The following DNAAF10 variants were observed in gnomAD, a reference collection of about 807,000 sequenced individuals.
DNAAF10 encodes the protein dynein axonemal assembly factor 10, also known as WD repeat domain 92.
A neutral mutation model predicts 43.7 loss-of-function variants in DNAAF10; 28 were observed. That is an observed-to-expected ratio of 0.64 (90% confidence interval 0.48 to 0.88). The LOEUF (loss-of-function observed/expected upper bound fraction) is 0.88. Ranked by LOEUF, DNAAF10 falls within the 40% of genes least tolerant of loss-of-function variation. The pLI, the probability that DNAAF10 is intolerant of heterozygous loss-of-function variation, is 0.00. For missense variants in DNAAF10, 403 were observed against 439.1 expected, an observed-to-expected ratio of 0.92 and a Z score of 0.73; for synonymous variants, 156 against 157.3, an observed-to-expected ratio of 0.99 and a Z score of 0.06.
intron 1 of DNAAF10, among the ~76,000 whole-genome samples, chr2:68,153,426 A>T (rs1673504651): frequency 6.6e-6 from 1 of 151,458 alleles, no homozygotes; most frequent in Admixed American, 6.6e-5. Flanking sequence ...TGATACATCA[A>T]GTCTGTTTCC....
Position 68,131,121 on chromosome 2 carries a change from T to C in DNAAF10, c.*117A>G. ...TTTTAGTAGAGACGGGGTTTCACCA[T>C]GTTAGCCAGGATGGTCTCGATCTCC... On this transcript the variant is annotated 3_prime_UTR_variant, in exon 8 of 8. Transcript: ENST00000295121. 5.0e-6 allele frequency: 5 copies of C among 1,003,018 alleles called. No homozygotes were observed. The highest frequency in any genetic ancestry group is 2.6e-5 in the East Asian group (1 of 38,832). 62.1% of individuals were successfully genotyped at this position (1,003,018 alleles called of 1,614,324 possible). A position where few individuals can be genotyped will look rare whatever the true frequency, so the allele number is the denominator to read the frequency against.
rs896344762 is a variant in DNAAF10, at chr2:68,138,735, A to T, written c.633+7T>A. 6.3e-7 allele frequency: 1 copy of T among 1,599,720 alleles called. No individual in the cohort carries two copies. The highest frequency in any genetic ancestry group is 8.6e-7 in the Non-Finnish European group (1 of 1,166,874). ...GAGAAACCAAAAAGCCTCAGAATGT[A>T]CTTTACCCCATTTTTGATGTTTGTC... On this transcript the variant is annotated splice_region_variant and intron_variant, in intron 5 of 7. Coordinates refer to ENST00000295121, the MANE Select transcript of DNAAF10 (RefSeq NM_138458.4).
At chr2:68,150,316 C>T (rs148448682) in intron 1 of DNAAF10, among the ~76,000 whole-genome samples, 429 of 152,276 alleles carry the variant, frequency 2.8e-3, no homozygotes, top group Middle Eastern at 0.014. Context: ...TAACATAATA[C>T]ATTAATCAGA....
intron 3 of DNAAF10, among the ~76,000 whole-genome samples, chr2:68,143,670 G>A (rs1673246635): frequency 6.6e-6 from 1 of 152,090 alleles, no homozygotes; most frequent in African/African-American, 2.4e-5. Context: ...AATGATAACT[G>A]TGGAAACAGC....
intron 1 of DNAAF10, among the ~76,000 whole-genome samples, chr2:68,153,345 T>TAAAAAA (rs775794947): frequency 1.3e-4 from 13 of 98,728 alleles, no homozygotes; most frequent in African/African-American, 2.2e-4. Flanking sequence ...AGTGATAAAT[T>TAAAAAA]AAAAAAAAAA....
At chr2:68,139,772 C>T (rs1673133121) in intron 4 of DNAAF10, among the ~76,000 whole-genome samples, 1 of 151,422 alleles carries the variant, frequency 6.6e-6, no homozygotes, top group Non-Finnish European at 1.5e-5. Context: ...CCAATGCACT[C>T]CAGCCTGGGC....
intron 1 of DNAAF10, 66 bp from the exon 2 acceptor site, chr2:68,147,633 T>TCTG: frequency 8.5e-7 from 1 of 1,177,258 alleles, no homozygotes; most frequent in Non-Finnish European, 1.2e-6. Context: ...TCTATTAATA[T>TCTG]CATATTTATG....
chr2:68,146,941 G>A (rs1464665961), intron 2 of DNAAF10, among the ~76,000 whole-genome samples: 1 of 152,036 alleles, frequency 6.6e-6, no homozygotes, highest in Non-Finnish European at 1.5e-5. Context: ...AACAACTCTA[G>A]GTAAAACACG....
chr2:68,140,008 A>G (rs2103890086), intron 4 of DNAAF10, among the ~76,000 whole-genome samples: 1 of 152,312 alleles, frequency 6.6e-6, no homozygotes, highest in East Asian at 1.9e-4. Context: ...TTCCATCTTT[A>G]CAAGGAAATC....
rs530464776 is a variant in DNAAF10, at chr2:68,145,317, AC to A, written c.285-603del. Among the ~76,000 whole-genome samples, 484 of 152,112 alleles carry A rather than the reference AC, an allele frequency of 3.2e-3. 3 individuals are homozygous for A. Among genetic ancestry groups the A allele is most frequent in the Middle Eastern group, 0.01 (3 of 294 alleles). On this transcript the variant is annotated intron_variant, in intron 2 of 7. Coordinates refer to ENST00000295121, the MANE Select transcript of DNAAF10 (RefSeq NM_138458.4). Reference sequence around the variant, plus strand: ...TCAATTCTGGGTTTTAGTGGCTGTTACAAAAATATGGGAGGTGAATAGAAGA... The same window carrying A: ...TCAATTCTGGGTTTTAGTGGCTGTTAAAAAATATGGGAGGTGAATAGAAGA...
chr2:68,152,392 A>G (rs530317179), intron 1 of DNAAF10, among the ~76,000 whole-genome samples: 83 of 152,330 alleles, frequency 5.4e-4, no homozygotes, highest in Non-Finnish European at 1.0e-3. Context: ...TTTGCTCAGA[A>G]GGGCCGAGCT....
At chr2:68,150,282 T>C (rs1673421786) in intron 1 of DNAAF10, among the ~76,000 whole-genome samples, 1 of 152,226 alleles carries the variant, frequency 6.6e-6, no homozygotes, top group Non-Finnish European at 1.5e-5. Flanking sequence ...ACTATACTCC[T>C]GGAACACACT....
At chr2:68,151,098 T>C (rs1031172487) in intron 1 of DNAAF10, among the ~76,000 whole-genome samples, 13 of 152,322 alleles carry the variant, frequency 8.5e-5, no homozygotes, top group Admixed American at 6.5e-4. Flanking sequence ...ATTACAAATA[T>C]AAAGGAAAGA....
intron 1 of DNAAF10, among the ~76,000 whole-genome samples, chr2:68,154,248 T>C (rs939018972): frequency 1.3e-5 from 2 of 152,072 alleles, no homozygotes; most frequent in Non-Finnish European, 2.9e-5. Flanking sequence ...TACTTCTTTT[T>C]TCTTTTTTTA....
At chr2:68,137,203 T>C in intron 6 of DNAAF10, 96 bp downstream of exon 6, 1 of 1,387,406 alleles carries the variant, frequency 7.2e-7, no homozygotes, top group Non-Finnish European at 9.5e-7. Context: ...TCCCTTCACA[T>C]AAAGACCTGG....
intron 2 of DNAAF10, among the ~76,000 whole-genome samples, chr2:68,146,211 G>A (rs756546755): frequency 8.5e-5 from 13 of 152,132 alleles, no homozygotes; most frequent in Non-Finnish European, 7.4e-5. Context: ...GCAGTGAGCC[G>A]AGATCGCATC....
At chr2:68,145,800 C>T (rs914275717) in intron 2 of DNAAF10, among the ~76,000 whole-genome samples, 7 of 152,150 alleles carry the variant, frequency 4.6e-5, no homozygotes, top group African/African-American at 1.7e-4. Context: ...TTTTCTTACC[C>T]GTCTCCATTT....
chr2:68,153,670 G>T (rs1255740117), intron 1 of DNAAF10, among the ~76,000 whole-genome samples: 3 of 151,782 alleles, frequency 2.0e-5, no homozygotes, highest in African/African-American at 7.3e-5. Flanking sequence ...GTAAGGAGTG[G>T]GAGTTACTGG....
chr2:68,133,217 G>T (rs555616133), intron 7 of DNAAF10, among the ~76,000 whole-genome samples: 36 of 152,132 alleles, frequency 2.4e-4, no homozygotes, highest in Non-Finnish European at 4.0e-4. Flanking sequence ...AACCATATTG[G>T]TTGTTTGTTT....
Sources: allele counts gnomAD v4.1 joint callset (sites outside exome capture counted in the v4.1 genomes callset), GRCh38; gene constraint gnomAD v4.1.1; transcripts MANE v1.5; gene names NCBI Gene and HGNC (gene_info 2026-07-23, HGNC 2026-07-21).